The following MUC4 variants were observed in gnomAD, a reference collection of about 807,000 sequenced individuals.
MUC4 encodes the protein mucin-4.
In MUC4, 202 loss-of-function variants were observed where a neutral mutation model predicts 257.9. The ratio of observed to expected loss-of-function variants is 0.78; its 90% CI spans 0.70 to 0.88. MUC4 has a LOEUF of 0.88. Among genes scored for constraint, MUC4 ranks in the 40% least tolerant of loss-of-function variants. The pLI is 0.00. For missense variants in MUC4, 5,976 were observed against 6,513.7 expected (o/e 0.92, Z 2.84); for synonymous variants, 2,351 against 2,757.1 (o/e 0.85, Z 4.62).
At chr3:195,760,792 G>T in intron 16 of MUC4, 92 bp downstream of exon 16, 2 of 1,026,166 alleles carry the variant, frequency 1.9e-6, no homozygotes, top group Non-Finnish European at 3.1e-6. Flanking sequence ...CTCAGTGAAT[G>T]CAGATGCACA....
rs1236192412 is a variant in MUC4, at chr3:195,788,741, G to C, written c.2839C>G (p.Leu947Val). 1 of 1,610,990 alleles carries C rather than the reference G, an allele frequency of 6.2e-7. No homozygotes were observed. The highest frequency in any genetic ancestry group is 1.1e-5 in the South Asian group (1 of 90,824). Residue 947 changes from leucine to valine, a missense_variant, in exon 2 of 25, where the codon CTT (leucine) becomes GTT (valine). Physicochemically the swap from Leu to Val is conservative, Grantham distance 32. This residue lies in a region of MUC4 where 1,583 missense variants were observed against 1,257.4 expected (regional missense o/e 1.26). Coordinates refer to ENST00000463781, the MANE Select transcript of MUC4 (RefSeq NM_018406.7). Reference protein sequence around the residue: ...PTPPSITSTGLTSPQTETHTL... With the variant: ...PTPPSITSTGVTSPQTETHTL... ...TGGGTCTCGGTTTGTGGAGATGTAA[G>C]CCCAGTGGATGTGATCGATGGAGGT... is the stretch of plus-strand genomic sequence containing the variant.
rs953340688 is a variant in MUC4 at position 195,751,449 on chromosome 3, A to G, written c.15583-178T>C. ...ACTCTAGCCTAGCTCAGTGAGTGTC[A>G]TGGGTCCTTGCTTAATAATGTTTGT... On this transcript the variant is annotated intron_variant, in intron 21 of 24. Coordinates refer to ENST00000463781, the MANE Select transcript of MUC4 (RefSeq NM_018406.7). 3.9e-4 allele frequency: 244 copies of G among 625,780 alleles called. 1 individual carries two copies. Among genetic ancestry groups the G allele is most frequent in the Non-Finnish European group, 4.6e-5 (16 of 345,186 alleles). The allele number at this position is 625,780 out of a possible 1,614,324, so 38.8% of individuals were successfully genotyped here.
rs372289258 is a variant in MUC4 at position 195,788,715 on chromosome 3, G to T, written c.2865C>A (p.His955Gln). 1 of 1,612,868 alleles carries T rather than the reference G, an allele frequency of 6.2e-7. No individual in the cohort carries two copies. Among genetic ancestry groups the T allele is most frequent in the African/African-American group, 1.3e-5 (1 of 74,138 alleles). The part of the protein sequence containing the change: ...TGLTSPQTET[H>Q]TLSPSGSGKT... ...TACCAGACCCTGAAGGTGACAGAGT[G>T]TGGGTCTCGGTTTGTGGAGATGTAA... is the stretch of plus-strand genomic sequence containing the variant. The change falls in exon 2 of 25, where the codon CAC becomes CAA. Residue 955 changes from histidine to glutamine, a missense_variant. Around this residue, in one of 44 missense-constraint regions of MUC4, gnomAD observed 1,583 missense variants for 1,257.4 expected, o/e 1.26. Coordinates refer to ENST00000463781, the MANE Select transcript of MUC4 (RefSeq NM_018406.7).
intron 7 of MUC4, among the ~76,000 whole-genome samples, chr3:195,767,675 C>T (rs1042892440): frequency 3.5e-4 from 4 of 11,272 alleles, no homozygotes; most frequent in South Asian, 5.1e-3. Flanking sequence ...ATCACCATCA[C>T]CACCATCACT....
In MUC4 at chr3:195,767,752, C is replaced by T. The variant is rs1560264567; in HGVS notation, c.13530-1001G>A. Among the ~76,000 whole-genome samples the T allele has an allele frequency of 2.1e-3, 217 of 104,808 alleles. 4 individuals carry two copies. The highest frequency in any genetic ancestry group is 8.1e-3 in the African/African-American group (171 of 21,118). The allele number at this position is 104,808 out of a possible 152,430, so 68.8% of individuals were successfully genotyped here. A position where few individuals can be genotyped will look rare whatever the true frequency, so the allele number is the denominator to read the frequency against. On this transcript the variant is annotated intron_variant, in intron 7 of 24. Transcript: ENST00000463781. Reference sequence around the variant, plus strand: ...TCACCACCACCATCACCATCGCCACCACCACCATCACCACCACCACCACCA... The same window carrying T: ...TCACCACCACCATCACCATCGCCACTACCACCATCACCACCACCACCACCA...
chr3:195,756,635 CTTCT>C (rs1215294228), intron 18 of MUC4, among the ~76,000 whole-genome samples: 1 of 127,292 alleles, frequency 7.9e-6, no homozygotes, highest in Non-Finnish European at 1.6e-5. Context: ...TCTTTCCCTC[CTTCT>C]TTCTTTCTTT....
Position 195,765,277 on chromosome 3 carries a change from G to A in MUC4, c.13791C>T (p.Val4597=). ...QGRRDLRFQP[V]SIGRWGLGSR... ...GCGGGAAGGAGGTGTCACCTATGCTGACGGGTTGGAATCGTAAGTCCCGTC... is the reference window on the plus strand; with the variant it reads ...GCGGGAAGGAGGTGTCACCTATGCTAACGGGTTGGAATCGTAAGTCCCGTC... The change falls in exon 9 of 25, where the codon GTC becomes GTT. Residue 4597 remains valine, a synonymous_variant. Coordinates refer to ENST00000463781, the MANE Select transcript of MUC4 (RefSeq NM_018406.7). 1 of 1,611,904 alleles carries A rather than the reference G, an allele frequency of 6.2e-7. No individual in the cohort carries two copies. The highest frequency in any genetic ancestry group is 2.2e-5 in the East Asian group (1 of 44,844).
In MUC4 at chr3:195,782,459, G is replaced by A. The variant is rs1728659670; in HGVS notation, c.9121C>T (p.Leu3041Phe). 6.8e-7 allele frequency: 1 copy of A among 1,476,704 alleles called. No homozygotes were observed. The highest frequency in any genetic ancestry group is 9.0e-7 in the Non-Finnish European group (1 of 1,105,798). The allele number at this position is 1,476,704 out of a possible 1,614,324, so 91.5% of individuals were successfully genotyped here. A position where few individuals can be genotyped will look rare whatever the true frequency, so the allele number is the denominator to read the frequency against. Residue 3041 changes from leucine (L) to phenylalanine (F), a missense_variant, in exon 2 of 25, where the codon CTT becomes TTT. Around this residue, in one of 44 missense-constraint regions of MUC4, gnomAD observed 52 missense variants for 102.2 expected, o/e 0.51. Coordinates refer to ENST00000463781, the MANE Select transcript of MUC4 (RefSeq NM_018406.7). ...SSASTGHATP[L>F]PVTDTSSAST... Reference sequence around the variant, plus strand: ...GCTGAGGAAGTGTCGGTGACAGGAAGCGGGGTGGCGTGACCGGTGGATGCT... The same window carrying A: ...GCTGAGGAAGTGTCGGTGACAGGAAACGGGGTGGCGTGACCGGTGGATGCT...
At chr3:195,747,788 G>A (rs188581600) in intron 24 of MUC4, among the ~76,000 whole-genome samples, 65 of 152,392 alleles carry the variant, frequency 4.3e-4, no homozygotes, top group African/African-American at 1.3e-3. Context: ...TTGAACCTGG[G>A]AGGTGGAGGT....
chr3:195,766,821 A>C, intron 7 of MUC4, 70 bp from the exon 8 acceptor site: 1 of 1,397,050 alleles, frequency 7.2e-7, no homozygotes, highest in South Asian at 1.2e-5. Flanking sequence ...CAAGGCGTCC[A>C]TTCATCCCGC....
At chr3:195,756,867 T>C (rs1222158067) in intron 18 of MUC4, among the ~76,000 whole-genome samples, 2 of 152,138 alleles carry the variant, frequency 1.3e-5, no homozygotes, top group Non-Finnish European at 2.9e-5. Context: ...TTCACCATGT[T>C]GGTCAGGATG....
chr3:195,754,901 GTA>G (rs945429738), intron 18 of MUC4, among the ~76,000 whole-genome samples: 137 of 30,366 alleles, frequency 4.5e-3, no homozygotes, highest in African/African-American at 0.013. Context: ...ATCCATGTAT[GTA>G]TGTGTGTGTC....
chr3:195,767,858 A>G (rs1721768356), intron 7 of MUC4, among the ~76,000 whole-genome samples: 2 of 143,208 alleles, frequency 1.4e-5, no homozygotes, highest in African/African-American at 5.4e-5. Flanking sequence ...CGCCACCATC[A>G]CCCCCAACAC....
rs914035682 is a variant in MUC4, at chr3:195,753,526, C to T, written c.15329-296G>A. The T allele has an allele frequency of 1.2e-5, 6 of 490,976 alleles. No individual in the cohort carries two copies. In the East Asian group the frequency reaches 2.0e-4, roughly 16 times the overall value. 30.4% of individuals were successfully genotyped at this position (490,976 alleles called of 1,614,324 possible). ...GGAGGGGCCCCCAGCTGGCTTTCCT[C>T]ACGCCCTCCCCTCTCACGTCCATCT... On this transcript the variant is annotated intron_variant, in intron 19 of 24. Transcript: ENST00000463781.
chr3:195,766,540 G>A, intron 8 of MUC4, 123 bp downstream of exon 8: 1 of 837,120 alleles, frequency 1.2e-6, no homozygotes, highest in Admixed American at 2.0e-5. Flanking sequence ...GAACTGTGTG[G>A]GGGAGGCCCT....
Position 195,783,579 on chromosome 3 carries a change from T to A in MUC4, c.8001A>T (p.Thr2667=). The A allele has an allele frequency of 3.1e-6, 1 of 319,408 alleles. No individual in the cohort carries two copies. Among genetic ancestry groups the A allele is most frequent in the South Asian group, 2.9e-5 (1 of 34,664 alleles). The allele number at this position is 319,408 out of a possible 1,614,324, so 19.8% of individuals were successfully genotyped here. A position where few individuals can be genotyped will look rare whatever the true frequency, so the allele number is the denominator to read the frequency against. The change falls in exon 2 of 25, where the codon ACA becomes ACT. Residue 2667 remains threonine (T), a synonymous_variant. Coordinates refer to ENST00000463781, the MANE Select transcript of MUC4 (RefSeq NM_018406.7). The stretch of plus-strand genomic sequence containing the variant: ...TGACAGGAAGAGGCGTGGTGTCACC[T>A]GTGGATACTGAGGAAAGGCTGGTGA... ...LPVTSLSSVS[T]GDTTPLPVTS...
rs1719400300 is a variant in MUC4, at chr3:195,762,663, G to GCCACGCGCCC, written c.14344+191_14344+192insGGGCGCGTGG. 5.0e-4 allele frequency among the ~76,000 whole-genome samples: 8 copies of GCCACGCGCCC among 16,064 alleles called. 1 individual carries two copies. Among genetic ancestry groups the GCCACGCGCCC allele is most frequent in the African/African-American group, 1.1e-3 (7 of 6,232 alleles). 10.5% of individuals were successfully genotyped at this position (16,064 alleles called of 152,430 possible). ...ACCGGGCCCTGCACCGCCACGCACC[G>GCCACGCGCCC]GGCCCTGCACCACAACGCACCCGGC... On this transcript the variant is annotated intron_variant, in intron 13 of 24. Transcript: ENST00000463781.
In MUC4 at chr3:195,779,333, C is replaced by G. The variant is rs1461826500; in HGVS notation, c.12247G>C (p.Val4083Leu). Residue 4083 changes from valine to leucine, a missense_variant, in exon 2 of 25, where the codon GTC (valine) becomes CTC (leucine). Val to Leu is a conservative substitution (Grantham distance 32, BLOSUM62 1). Transcript: ENST00000463781. ...GTGGATGCTGAGGAAGCATCGGTGA[C>G]AGGAAGAGTGCTGGTGTCACCTCTG... ...ASRGDTSTLP[V>L]TDASSASTGH... 2 of 1,082,292 alleles carry G rather than the reference C, an allele frequency of 1.8e-6. No homozygotes were observed. 67.0% of individuals were successfully genotyped at this position (1,082,292 alleles called of 1,614,324 possible).
rs1730306997 is a variant in MUC4 at position 195,784,474 on chromosome 3, A to G, written c.7106T>C (p.Leu2369Pro). The change falls in exon 2 of 25, where the codon CTT (leucine) becomes CCT (proline). Residue 2369 changes from leucine (L) to proline (P), a missense_variant. Physicochemically the swap from Leu to Pro is moderately conservative, Grantham distance 98. Coordinates refer to ENST00000463781, the MANE Select transcript of MUC4 (RefSeq NM_018406.7). ...TGCTGAGGAAGAGCTGGTGACAGGA[A>G]GAGGGGTGGTGTCACCTGTGGATAC... ...SSVSTGDTTP[L>P]PVTSSSSASS... 6.5e-7 allele frequency: 1 copy of G among 1,541,374 alleles called. No homozygotes were observed. Among genetic ancestry groups the G allele is most frequent in the African/African-American group, 1.4e-5 (1 of 70,266 alleles).
Sources: gnomAD v4.1 joint callset for allele counts (sites outside exome capture counted in the v4.1 genomes callset) on GRCh38, gnomAD v4.1.1 for gene constraint, gnomAD v4.1.1 regional missense constraint, MANE v1.5 for transcripts, NCBI Gene and HGNC (gene_info 2026-07-23, HGNC 2026-07-21) for gene names.